Variants in STS observed in about 807,000 individuals in gnomAD.
STS encodes steroid sulfatase, also known as steryl-sulfatase.
In STS, 7 loss-of-function variants were observed where a neutral mutation model predicts 26.8. The ratio of observed to expected loss-of-function variants is 0.26; its 90% CI spans 0.15 to 0.49. The LOEUF is 0.49. STS is among the 20% of genes least tolerant of loss of function. The pLI, the probability that STS is intolerant of heterozygous loss-of-function variation, is 0.98. For synonymous variants in STS, 199 were observed against 189.4 expected (o/e 1.05, Z -0.42); for missense variants, 434 against 465.6 (o/e 0.93, Z 0.63).
intron 1 of STS, among the ~76,000 whole-genome samples, chrX:7,158,726 A>G (rs1933183848): frequency 9.0e-6 from 1 of 111,518 alleles, no homozygotes; most frequent in Non-Finnish European, 1.9e-5. Flanking sequence ...GAGAAAGGGA[A>G]GTCTTACTCT....
At chrX:7,334,291 G>A (rs771971696) in intron 10 of STS, among the ~76,000 whole-genome samples, 184 bp downstream of exon 10, 1 of 111,183 alleles carries the variant, frequency 9.0e-6, no homozygotes, top group Admixed American at 9.5e-5. Flanking sequence ...TGGTCACATA[G>A]TTGTCCAGGT....
chrX:7,290,512 G>A (rs1340306004), intron 7 of STS, among the ~76,000 whole-genome samples: 1 of 112,098 alleles, frequency 8.9e-6, no homozygotes, highest in Non-Finnish European at 1.9e-5. Context: ...AAACCAAGGT[G>A]CATTGGAAGG....
chrX:7,200,914 T>A (rs931604952), intron 2 of STS, among the ~76,000 whole-genome samples: 2 of 111,550 alleles, frequency 1.8e-5, no homozygotes, highest in African/African-American at 6.5e-5. Context: ...ACCCACAGTT[T>A]AAATGAAGCT....
intron 2 of STS, among the ~76,000 whole-genome samples, chrX:7,240,456 A>AGC (rs1285979982): frequency 2.0e-4 from 14 of 70,797 alleles, no homozygotes; most frequent in Admixed American, 4.7e-4. Context: ...TTCTCCAAGG[A>AGC]GCGCGCGCGC....
chrX:7,242,843 T>C (rs909092492), intron 2 of STS, among the ~76,000 whole-genome samples: 6 of 111,420 alleles, frequency 5.4e-5, no homozygotes, highest in East Asian at 5.7e-4. Flanking sequence ...ATTTCCTCAT[T>C]TGACCTGTCA....
chrX:7,286,503 A>G (rs1358245185), intron 7 of STS, among the ~76,000 whole-genome samples: 3 of 110,798 alleles, frequency 2.7e-5, no homozygotes, highest in Non-Finnish European at 5.7e-5. Context: ...CTGCTGCCTA[A>G]TGAACCAATT....
At chrX:7,288,098 A>G (rs1363214605) in intron 7 of STS, among the ~76,000 whole-genome samples, 1 of 107,837 alleles carries the variant, frequency 9.3e-6, no homozygotes, top group Non-Finnish European at 1.9e-5. Flanking sequence ...TGTTTGCACT[A>G]TCTATATGAT....
intron 2 of STS, among the ~76,000 whole-genome samples, chrX:7,209,308 A>G (rs1380298315): frequency 2.7e-5 from 3 of 109,838 alleles, no homozygotes; most frequent in East Asian, 2.8e-4. Flanking sequence ...CTGAATTGCA[A>G]TACAAAGATT....
chrX:7,204,631 C>A (rs963001261), intron 2 of STS, among the ~76,000 whole-genome samples: 1 of 103,522 alleles, frequency 9.7e-6, no homozygotes, highest in African/African-American at 3.5e-5. Flanking sequence ...TTCTTCCCTC[C>A]CTCTCTTCCT....
At chrX:7,337,729 G>T (rs1242469225) in intron 10 of STS, among the ~76,000 whole-genome samples, 2 of 111,974 alleles carry the variant, frequency 1.8e-5, no homozygotes, top group African/African-American at 6.5e-5. Context: ...CTGTGTTGTG[G>T]GTGTTTACAC....
At chrX:7,168,183 C>T (rs1933390642) in intron 1 of STS, among the ~76,000 whole-genome samples, 1 of 111,114 alleles carries the variant, frequency 9.0e-6, no homozygotes, top group Non-Finnish European at 1.9e-5. Flanking sequence ...GGGCTGGAAA[C>T]CCAGAAGGCG....
At chrX:7,158,477 G>T (rs1350698530) in intron 1 of STS, among the ~76,000 whole-genome samples, 23 of 111,772 alleles carry the variant, frequency 2.1e-4, no homozygotes, top group African/African-American at 7.2e-4. Flanking sequence ...TGGCTTCCAA[G>T]AACTTAAGAA....
chrX:7,214,457 A>C (rs1413550264), intron 2 of STS, among the ~76,000 whole-genome samples: 3 of 112,472 alleles, frequency 2.7e-5, no homozygotes, highest in Non-Finnish European at 3.8e-5. Flanking sequence ...GAGTCAGTAC[A>C]CTACTCCTGT....
At chrX:7,225,400 C>G (rs1601666010) in intron 2 of STS, among the ~76,000 whole-genome samples, 1 of 111,277 alleles carries the variant, frequency 9.0e-6, no homozygotes, top group Non-Finnish European at 1.9e-5. Flanking sequence ...GGAAACGGCA[C>G]ATGGGGTAAA....
chrX:7,242,801 A>G (rs1922685719), intron 2 of STS, among the ~76,000 whole-genome samples: 1 of 111,695 alleles, frequency 9.0e-6, no homozygotes, highest in African/African-American at 3.3e-5. Context: ...TTCTGACTCC[A>G]CTGCCCACCT....
intron 2 of STS, among the ~76,000 whole-genome samples, chrX:7,220,126 C>T (rs1228156611): frequency 9.0e-6 from 1 of 111,548 alleles, no homozygotes; most frequent in African/African-American, 3.3e-5. Flanking sequence ...TTTCTGTCTC[C>T]ATTGGTGTGT....
At chrX:7,344,312 G>A (rs1165445186) in intron 10 of STS, among the ~76,000 whole-genome samples, 1 of 111,618 alleles carries the variant, frequency 9.0e-6, no homozygotes, top group African/African-American at 3.3e-5. Context: ...ATTCTAGACT[G>A]TGGAGCAGCA....
chrX:7,191,501 G>C (rs1417499300), intron 2 of STS, among the ~76,000 whole-genome samples: 1 of 112,432 alleles, frequency 8.9e-6, no homozygotes, highest in East Asian at 2.8e-4. Flanking sequence ...GACAGAATGG[G>C]GTCCCTCCTC....
At chrX:7,256,519 AG>A (rs1379769932) in intron 3 of STS, among the ~76,000 whole-genome samples, 2 of 111,596 alleles carry the variant, frequency 1.8e-5, no homozygotes, top group Non-Finnish European at 3.8e-5. Flanking sequence ...GGCTCATTAA[AG>A]CTGGTTGTGG....
Sources: allele counts gnomAD v4.1 joint callset (sites outside exome capture counted in the v4.1 genomes callset), GRCh38; gene constraint gnomAD v4.1.1; transcripts MANE v1.5; gene names NCBI Gene and HGNC (gene_info 2026-07-23, HGNC 2026-07-21).